The following SLC25A23 variants were observed in gnomAD, a reference collection of about 807,000 sequenced individuals.
SLC25A23 encodes mitochondrial adenyl nucleotide antiporter SLC25A23.
Under a neutral mutation model 53.9 loss-of-function variants are expected in SLC25A23, and 32 were observed. That is an observed-to-expected ratio of 0.59 (90% confidence interval 0.45 to 0.80). The LOEUF (loss-of-function observed/expected upper bound fraction) is 0.80. Ranked by LOEUF, SLC25A23 falls within the 30% of genes least tolerant of loss-of-function variation. The pLI, the probability that SLC25A23 is intolerant of heterozygous loss-of-function variation, is 0.00. For missense variants in SLC25A23, 575 were observed against 651.4 expected (o/e 0.88, Z 1.28); for synonymous variants, 275 against 264.5 (o/e 1.04, Z -0.38).
At chr19:6,449,715 C>T (rs2144915360) in intron 8 of SLC25A23, among the ~76,000 whole-genome samples, 1 of 151,744 alleles carries the variant, frequency 6.6e-6, no homozygotes, top group East Asian at 2.0e-4. Flanking sequence ...TGCCTGGCCA[C>T]CTGGCTAATT....
chr19:6,451,043 A>C (rs894794895), intron 8 of SLC25A23, among the ~76,000 whole-genome samples: 1 of 150,900 alleles, frequency 6.6e-6, no homozygotes, highest in Non-Finnish European at 1.5e-5. Context: ...GCGCCACTGC[A>C]TTCCAGCCTG....
chr19:6,449,912 G>A (rs2092563448), intron 8 of SLC25A23, among the ~76,000 whole-genome samples: 1 of 141,044 alleles, frequency 7.1e-6, no homozygotes, highest in South Asian at 2.2e-4. Context: ...CCTGTGCAGT[G>A]CAAGAACTCG....
At chr19:6,439,851 A>T (rs946444139), downstream of SLC25A23, among the ~76,000 whole-genome samples, 6 of 151,204 alleles carry the variant, frequency 4.0e-5, no homozygotes, top group Non-Finnish European at 8.8e-5. Context: ...AATAAATAAA[A>T]ATAATAAAGC....
intron 9 of SLC25A23, 98 bp from the exon 10 acceptor site, chr19:6,442,257 G>T: frequency 1.3e-6 from 1 of 777,324 alleles, no homozygotes; most frequent in Admixed American, 2.9e-5. Flanking sequence ...CATTGCAGCA[G>T]GAGGGAAGGA....
downstream of SLC25A23, chr19:6,436,489 G>GA: frequency 6.6e-6 from 3 of 455,296 alleles, no homozygotes; most frequent in Middle Eastern, 3.3e-4. Context: ...AATGTTATGA[G>GA]AAAGGGGGAG....
intron 8 of SLC25A23, among the ~76,000 whole-genome samples, chr19:6,447,523 G>A (rs1048458779): frequency 5.9e-5 from 9 of 151,964 alleles, no homozygotes; most frequent in African/African-American, 1.2e-4. Flanking sequence ...TCACCCTGTC[G>A]CCTGGGTTGG....
chr19:6,439,384 A>ATCTC (rs71174914), downstream of SLC25A23, among the ~76,000 whole-genome samples: 16 of 137,898 alleles, frequency 1.2e-4, no homozygotes, highest in South Asian at 4.7e-4. Context: ...GTGAGATCCT[A>ATCTC]TCTCTCTCTC....
At chr19:6,456,957 C>T (rs1314266553) in intron 3 of SLC25A23, among the ~76,000 whole-genome samples, 1 of 151,932 alleles carries the variant, frequency 6.6e-6, no homozygotes, top group South Asian at 2.1e-4. Context: ...GGATTGCAGG[C>T]GTGAGCCACC....
In SLC25A23 at chr19:6,458,425, C is replaced by T. The variant is rs895676207; in HGVS notation, c.157-101G>A. 4 of 1,366,210 alleles carry T rather than the reference C, an allele frequency of 2.9e-6. No individual in the cohort carries two copies. The Admixed American group carries it at 7.6e-5, about 26-fold the overall frequency. The allele number at this position is 1,366,210 out of a possible 1,614,324, so 84.6% of individuals were successfully genotyped here. On this transcript the variant is annotated intron_variant, in intron 1 of 9. Transcript: ENST00000301454. ...CCTTAGGAACCCAGAGCCCCCAGCG[C>T]CTTGAGGAAGGGGATAGAAGACGTC...
rs113517067 is a variant in SLC25A23 at position 6,450,406 on chromosome 19, C to T, written c.1071+1906G>A. Among the ~76,000 whole-genome samples, 700 of 152,258 alleles carry T rather than the reference C, an allele frequency of 4.6e-3. 7 individuals are homozygous for T. The highest frequency in any genetic ancestry group is 0.016 in the African/African-American group (673 of 41,528). ...CCCACTGTTACTGAAGATGACAAAT[C>T]CTGTCTTGTGATCTTCTGAGAGCTT... On this transcript the variant is annotated intron_variant, in intron 8 of 9. Transcript: ENST00000301454.
Position 6,459,454 on chromosome 19 carries a change from T to C in SLC25A23, c.156+19A>G. On this transcript the variant is annotated intron_variant, in intron 1 of 9. Coordinates refer to ENST00000301454, the MANE Select transcript of SLC25A23 (RefSeq NM_024103.3). The surrounding 1 kb of genome is among the most constrained non-coding windows in gnomAD (Gnocchi z 4.6). ...CGGGCGGGGCCGGGAGGGGAGGAGG[T>C]CCCTGGGGGTGGGGGTACCTGTTGG... 1.3e-6 allele frequency: 2 copies of C among 1,573,380 alleles called. No homozygotes were observed. The highest frequency in any genetic ancestry group is 2.4e-5 in the East Asian group (1 of 42,538).
chr19:6,452,174 C>A, intron 8 of SLC25A23, 138 bp downstream of exon 8: 1 of 1,216,292 alleles, frequency 8.2e-7, no homozygotes, highest in South Asian at 1.6e-5. Context: ...TTCCCAGGGC[C>A]AAGGTGCTCC....
At chr19:6,447,448 G>A in intron 8 of SLC25A23, among the ~76,000 whole-genome samples, 1 of 151,824 alleles carries the variant, frequency 6.6e-6, no homozygotes, top group South Asian at 2.1e-4. Context: ...GATTACAGCT[G>A]TGCACCACCA....
intron 9 of SLC25A23, among the ~76,000 whole-genome samples, chr19:6,443,809 G>A (rs764918629): frequency 6.6e-6 from 1 of 152,140 alleles, no homozygotes; most frequent in African/African-American, 2.4e-5. Context: ...CTCTGGCCCT[G>A]ACTGCTCCCT....
In SLC25A23 at chr19:6,459,136, G is replaced by A. The variant is rs2092722914; in HGVS notation, c.156+337C>T. On this transcript the variant is annotated intron_variant, in intron 1 of 9. Transcript: ENST00000301454. The surrounding 1 kb of genome is among the most constrained non-coding windows in gnomAD (Gnocchi z 4.6). ...TGGAGGGTGTGTCTCCTGGAGGTGAGAGCAGGGCACGTCATGGGCTGTGCA... is the reference window on the plus strand; with the variant it reads ...TGGAGGGTGTGTCTCCTGGAGGTGAAAGCAGGGCACGTCATGGGCTGTGCA... Among the ~76,000 whole-genome samples, 1 of 152,174 alleles carries A rather than the reference G, an allele frequency of 6.6e-6. No homozygotes were observed. Among genetic ancestry groups the A allele is most frequent in the Non-Finnish European group, 1.5e-5 (1 of 68,018 alleles).
chr19:6,458,468 G>A, intron 1 of SLC25A23, 144 bp from the exon 2 acceptor site: 1 of 900,298 alleles, frequency 1.1e-6, no homozygotes, highest in Non-Finnish European at 1.6e-6. Flanking sequence ...TTCTCCCTCA[G>A]TCAGCTAACT....
At chr19:6,448,680 A>G (rs1326519580) in intron 8 of SLC25A23, among the ~76,000 whole-genome samples, 1 of 150,388 alleles carries the variant, frequency 6.6e-6, no homozygotes, top group Non-Finnish European at 1.5e-5. Flanking sequence ...CATGTTGGCC[A>G]GGATGGTCTT....
chr19:6,454,446 G>T lies in SLC25A23; in HGVS notation c.672C>A (p.Asn224Lys). Residue 224 changes from asparagine (N) to lysine (K), a missense_variant, in exon 6 of 10, where the codon AAC becomes AAA. Physicochemically the swap from Asn to Lys is moderately conservative, Grantham distance 94. Coordinates refer to ENST00000301454, the MANE Select transcript of SLC25A23 (RefSeq NM_024103.3). This position sits in a 1 kb window ranked among gnomAD's most constrained non-coding sequence, Gnocchi z 4.3. ...QVHASKTNRLNILGGLRSMVL... is the reference protein window; with the variant it reads ...QVHASKTNRLKILGGLRSMVL... Reference sequence around the variant, plus strand: ...CCATGCTTCGAAGCCCCCCAAGGATGTTCAGCCGGTTGGTCTTTGAGGCAT... The same window carrying T: ...CCATGCTTCGAAGCCCCCCAAGGATTTTCAGCCGGTTGGTCTTTGAGGCAT... 3 of 1,614,150 alleles carry T rather than the reference G, an allele frequency of 1.9e-6. No individual in the cohort carries two copies. The highest frequency in any genetic ancestry group is 3.3e-4 in the Middle Eastern group (2 of 6,062).
chr19:6,447,169 C>T (rs2092516905), intron 8 of SLC25A23, among the ~76,000 whole-genome samples: 1 of 152,200 alleles, frequency 6.6e-6, no homozygotes, highest in Non-Finnish European at 1.5e-5. Context: ...TACTTTGTTA[C>T]AGCAGTCCTA....
Sources: allele counts gnomAD v4.1 joint callset (sites outside exome capture counted in the v4.1 genomes callset), GRCh38; gene constraint gnomAD v4.1.1; non-coding constraint Gnocchi (gnomAD v3.1); transcripts MANE v1.5; gene names NCBI Gene and HGNC (gene_info 2026-07-23, HGNC 2026-07-21).